Variants in RTL4 observed in about 807,000 individuals in gnomAD.
The protein encoded by RTL4 is retrotransposon Gag-like protein 4.
RTL4 carries 4 observed loss-of-function variants against 5.3 expected under a neutral mutation model. That is an observed-to-expected ratio of 0.75 (90% CI 0.37 to 1.72). The LOEUF is 1.72. Ranked by LOEUF, RTL4 falls within the 40% of genes most tolerant of loss-of-function variation. The probability of loss-of-function intolerance (pLI) is 0.04; values close to 1 mark genes in which losing one functional copy is unlikely to be tolerated. For missense variants in RTL4, 260 were observed against 227.1 expected, an observed-to-expected ratio of 1.14 and a Z score of -0.93; for synonymous variants, 98 against 87.3, an observed-to-expected ratio of 1.12 and a Z score of -0.68.
chrX:112,298,434 A>G, the RTL4 span, among the ~76,000 whole-genome samples: 32 of 112,348 alleles, frequency 2.8e-4, 2 homozygotes, highest in East Asian at 3.7e-3. Flanking sequence ...TTAGAGGTTC[A>G]GCCTGGTTCT....
chrX:112,204,553 A>AAAT, the RTL4 span, among the ~76,000 whole-genome samples: 2 of 111,849 alleles, frequency 1.8e-5, no homozygotes, highest in Non-Finnish European at 3.8e-5. Context: ...ATGTTAAGTG[A>AAAT]AATAAGCTAG....
the RTL4 span, among the ~76,000 whole-genome samples, chrX:112,366,521 T>C: frequency 9.0e-6 from 1 of 111,644 alleles, no homozygotes; most frequent in Non-Finnish European, 1.9e-5. Flanking sequence ...GTAATTCAGT[T>C]TCTCCACCTG....
chrX:112,161,844 C>CCTTCCTTCCTTTCTTTCTTT, the RTL4 span, among the ~76,000 whole-genome samples: 30 of 40,059 alleles, frequency 7.5e-4, no homozygotes, highest in African/African-American at 3.0e-3. Context: ...TTCCTTCCTT[C>CCTTCCTTCCTTTCTTTCTTT]CTTTCTTTCT....
At chrX:112,456,050 G>C (rs1926838384) in exon 1 of RTL4, 1 of 285,238 alleles carries the variant, frequency 3.5e-6, no homozygotes. Context: ...TGTGTGCCTA[G>C]AAATGAGCCC....
At chrX:112,328,573 C>A in the RTL4 span, among the ~76,000 whole-genome samples, 6 of 111,310 alleles carry the variant, frequency 5.4e-5, no homozygotes, top group Non-Finnish European at 1.1e-4. Flanking sequence ...ACTTTAACAC[C>A]CCACTGTCAA....
chrX:112,415,679 T>C, the RTL4 span, among the ~76,000 whole-genome samples: 1 of 111,408 alleles, frequency 9.0e-6, no homozygotes, highest in African/African-American at 3.3e-5. Context: ...GAAAAAAAAC[T>C]CCACTCTTAT....
At chrX:112,283,185 G>T in the RTL4 span, among the ~76,000 whole-genome samples, 1 of 111,084 alleles carries the variant, frequency 9.0e-6, no homozygotes, top group African/African-American at 3.3e-5. Context: ...TTGTTTTGAG[G>T]TAACAAAATA....
At chrX:112,302,460 T>G in the RTL4 span, among the ~76,000 whole-genome samples, 1 of 111,638 alleles carries the variant, frequency 9.0e-6, no homozygotes, top group Admixed American at 9.6e-5. Flanking sequence ...AATTGCTATT[T>G]TGTTACATGA....
At chrX:112,380,574 G>T in the RTL4 span, among the ~76,000 whole-genome samples, 2 of 112,292 alleles carry the variant, frequency 1.8e-5, no homozygotes, top group African/African-American at 6.5e-5. Context: ...TGTGATTATG[G>T]ATTATCAATA....
At chrX:112,149,170 A>T in the RTL4 span, among the ~76,000 whole-genome samples, 1 of 112,286 alleles carries the variant, frequency 8.9e-6, no homozygotes, top group Non-Finnish European at 1.9e-5. Context: ...TTCCTTTAAC[A>T]GATATTTAAT....
chrX:112,174,454 G>A, the RTL4 span, among the ~76,000 whole-genome samples: 1 of 103,625 alleles, frequency 9.7e-6, no homozygotes, highest in African/African-American at 3.5e-5. Context: ...GTGTATATGT[G>A]CCACATTTTC....
chrX:112,347,202 T>C, the RTL4 span, among the ~76,000 whole-genome samples: 3 of 111,822 alleles, frequency 2.7e-5, no homozygotes, highest in Non-Finnish European at 3.8e-5. Context: ...AGATAATTCA[T>C]GAAGAGCTTC....
the RTL4 span, among the ~76,000 whole-genome samples, chrX:112,307,655 C>T: frequency 9.9e-5 from 11 of 111,527 alleles, no homozygotes; most frequent in Non-Finnish European, 1.9e-4. Flanking sequence ...CCATTCATCT[C>T]ACCCAAATTC....
At chrX:112,380,275 T>C in the RTL4 span, among the ~76,000 whole-genome samples, 1 of 110,059 alleles carries the variant, frequency 9.1e-6, no homozygotes, top group South Asian at 3.9e-4. Context: ...GCCTCCCTAG[T>C]AGCTGGGACT....
At chrX:112,402,294 C>T in the RTL4 span, among the ~76,000 whole-genome samples, 3 of 110,863 alleles carry the variant, frequency 2.7e-5, no homozygotes, top group Non-Finnish European at 5.7e-5. Flanking sequence ...CACACGTTTT[C>T]CTTCTCTCAG....
the RTL4 span, among the ~76,000 whole-genome samples, chrX:112,425,001 T>TAAA: frequency 1.8e-3 from 203 of 111,273 alleles, no homozygotes; most frequent in African/African-American, 4.6e-3. Flanking sequence ...TGTGTTTTGA[T>TAAA]AAATGTATAA....
At chrX:112,244,024 C>T in the RTL4 span, among the ~76,000 whole-genome samples, 1 of 112,075 alleles carries the variant, frequency 8.9e-6, no homozygotes, top group Non-Finnish European at 1.9e-5. Context: ...ATTTCTTAAT[C>T]CTGAGGTCTA....
At chrX:112,165,834 C>A in the RTL4 span, among the ~76,000 whole-genome samples, 8 of 111,880 alleles carry the variant, frequency 7.2e-5, no homozygotes, top group African/African-American at 2.3e-4. Flanking sequence ...TGTGAGGAGC[C>A]TTCTAAGGTT....
At chrX:112,093,857 T>G in the RTL4 span, among the ~76,000 whole-genome samples, 4 of 111,837 alleles carry the variant, frequency 3.6e-5, no homozygotes, top group Non-Finnish European at 7.5e-5. Flanking sequence ...AAGCACAATC[T>G]GTTCTAGGAA....
Sources: gnomAD v4.1 joint callset for allele counts (sites outside exome capture counted in the v4.1 genomes callset) on GRCh38, gnomAD v4.1.1 for gene constraint, MANE v1.5 for transcripts, NCBI Gene and HGNC (gene_info 2026-07-23, HGNC 2026-07-21) for gene names.